Variants in STK3 observed in about 807,000 individuals in gnomAD.
STK3 encodes the protein serine/threonine kinase 3.
STK3 carries 41 observed loss-of-function variants against 58.0 expected under a neutral mutation model. The ratio of observed to expected loss-of-function variants is 0.71; its 90% CI spans 0.55 to 0.92. The LOEUF (loss-of-function observed/expected upper bound fraction) is 0.92. Among genes scored for constraint, STK3 ranks in the 40% least tolerant of loss-of-function variants. The probability of loss-of-function intolerance (pLI) is 0.00; values close to 1 mark genes in which losing one functional copy is unlikely to be tolerated. For missense variants in STK3, 479 were observed against 602.7 expected (o/e 0.79, Z 2.15); for synonymous variants, 170 against 191.0 (o/e 0.89, Z 0.91).
At chr8:98,921,057 C>T (rs1839539677) in intron 1 of STK3, among the ~76,000 whole-genome samples, 1 of 152,196 alleles carries the variant, frequency 6.6e-6, no homozygotes, top group African/African-American at 2.4e-5. Flanking sequence ...GGTTTCTAAG[C>T]TGCAGATCAG....
chr8:98,919,488 G>A (rs537633124), intron 1 of STK3, among the ~76,000 whole-genome samples: 1 of 152,138 alleles, frequency 6.6e-6, no homozygotes, highest in African/African-American at 2.4e-5. Flanking sequence ...GGTTGCCTAG[G>A]GGGGATTGAC....
intron 3 of STK3, among the ~76,000 whole-genome samples, chr8:98,846,428 A>G (rs972932571): frequency 1.3e-5 from 2 of 152,222 alleles, no homozygotes; most frequent in South Asian, 4.1e-4. Flanking sequence ...GATTTTATTC[A>G]TTTAACTAAC....
chr8:98,637,168 CAA>C (rs1819689637), intron 6 of STK3, among the ~76,000 whole-genome samples: 1 of 150,358 alleles, frequency 6.7e-6, no homozygotes, highest in Non-Finnish European at 1.5e-5. Flanking sequence ...ACTGATCTTA[CAA>C]AGAGACATGA....
chr8:98,753,864 A>C (rs961698870), intron 3 of STK3, among the ~76,000 whole-genome samples: 1 of 152,096 alleles, frequency 6.6e-6, no homozygotes, highest in Non-Finnish European at 1.5e-5. Flanking sequence ...CTTGCTCCCC[A>C]CTGGTCTCCT....
intron 1 of STK3, among the ~76,000 whole-genome samples, chr8:98,907,291 G>C (rs888448449): frequency 2.6e-5 from 4 of 152,020 alleles, no homozygotes; most frequent in African/African-American, 9.7e-5. Flanking sequence ...AGGCTGGCGG[G>C]TCACAAGTTC....
At chr8:98,621,438 T>C (rs962026159) in intron 6 of STK3, among the ~76,000 whole-genome samples, 72 of 152,304 alleles carry the variant, frequency 4.7e-4, no homozygotes, top group African/African-American at 1.7e-3. Flanking sequence ...CCCAGTACTG[T>C]GCTGAATGAG....
rs183139648 is a variant in STK3, at chr8:98,742,430, C to T, written c.351+6846G>A. Among the ~76,000 whole-genome samples the T allele has an allele frequency of 3.0e-3, 332 of 109,170 alleles. 61 individuals are homozygous for T. The highest frequency in any genetic ancestry group is 4.3e-3 in the African/African-American group (123 of 28,452). The allele number at this position is 109,170 out of a possible 152,430, so 71.6% of individuals were successfully genotyped here. A position where few individuals can be genotyped will look rare whatever the true frequency, so the allele number is the denominator to read the frequency against. ...TGGGATGCAAGGCTGGTTCAACATA[C>T]GCAAATCAATAAACGTAATCCATCA... On this transcript the variant is annotated intron_variant, in intron 4 of 10. Coordinates refer to ENST00000419617, the MANE Select transcript of STK3 (RefSeq NM_006281.4).
At chr8:98,702,103 G>A (rs1825670724) in intron 6 of STK3, among the ~76,000 whole-genome samples, 1 of 152,080 alleles carries the variant, frequency 6.6e-6, no homozygotes, top group Non-Finnish European at 1.5e-5. Context: ...GTTTCTTTGG[G>A]GGGAAGAAAA....
intron 3 of STK3, among the ~76,000 whole-genome samples, chr8:98,875,852 T>A (rs951164043): frequency 1.3e-5 from 2 of 152,208 alleles, no homozygotes; most frequent in African/African-American, 4.8e-5. Flanking sequence ...TTTCTCCTCC[T>A]CCTTTGGATA....
intron 1 of STK3, among the ~76,000 whole-genome samples, chr8:98,938,153 T>TA (rs60711152): frequency 0.32 from 47,418 of 148,214 alleles, 7,734 homozygotes; most frequent in East Asian, 0.44. Context: ...AATTAAAGCT[T>TA]AAAAAAAAAA....
At chr8:98,702,401 T>G (rs1825691853) in intron 6 of STK3, among the ~76,000 whole-genome samples, 2 of 152,222 alleles carry the variant, frequency 1.3e-5, no homozygotes, top group African/African-American at 4.8e-5. Flanking sequence ...ATCTTTAAGT[T>G]CTTCGTATCC....
chr8:98,933,488 A>C (rs888457101), intron 1 of STK3, among the ~76,000 whole-genome samples: 2 of 152,204 alleles, frequency 1.3e-5, no homozygotes, highest in African/African-American at 4.8e-5. Flanking sequence ...TCTTTTTAGC[A>C]GAGTGGGGAG....
chr8:98,434,975 G>A (rs1304894578), intron 2 of STK3, among the ~76,000 whole-genome samples: 1 of 152,190 alleles, frequency 6.6e-6, no homozygotes, highest in Admixed American at 6.5e-5. Flanking sequence ...TCCTAGCCCA[G>A]CAAGTCCTCC....
chr8:98,612,074 A>C (rs1817240823), intron 6 of STK3, among the ~76,000 whole-genome samples: 1 of 149,378 alleles, frequency 6.7e-6, no homozygotes, highest in African/African-American at 2.4e-5. Flanking sequence ...ATAGACATTT[A>C]TATAAATATA....
intron 6 of STK3, 182 bp from the exon 7 acceptor site, chr8:98,596,351 C>A: frequency 1.7e-6 from 1 of 579,094 alleles, no homozygotes; most frequent in Non-Finnish European, 2.9e-6. Flanking sequence ...GTAATCATTT[C>A]CCATTAAATT....
At chr8:98,678,257 TAG>T (rs1385173826) in intron 6 of STK3, among the ~76,000 whole-genome samples, 1 of 152,200 alleles carries the variant, frequency 6.6e-6, no homozygotes, top group Admixed American at 6.5e-5. Context: ...TTTCCTCCAA[TAG>T]AGAGTTCTTA....
At chr8:98,899,183 A>T (rs892070766) in intron 1 of STK3, among the ~76,000 whole-genome samples, 4 of 152,254 alleles carry the variant, frequency 2.6e-5, no homozygotes, top group African/African-American at 9.6e-5. Context: ...ATAGCACAGA[A>T]GATGCCACAG....
At chr8:98,797,744 C>T (rs1387050812) in intron 1 of STK3, among the ~76,000 whole-genome samples, 1 of 152,176 alleles carries the variant, frequency 6.6e-6, no homozygotes, top group Non-Finnish European at 1.5e-5. Flanking sequence ...AATTGACAAG[C>T]TGGCAATCTT....
chr8:98,856,273 T>C lies in STK3; in HGVS notation c.110+27374A>G, dbSNP rs192787238. 8.6e-3 allele frequency among the ~76,000 whole-genome samples: 1,265 copies of C among 147,504 alleles called. 12 individuals carry two copies. The highest frequency in any genetic ancestry group is 0.03 in the African/African-American group (1,189 of 39,798). ...TGGAGGTTGCTGTGAGCTGAGATCA[T>C]GTCATTGCACTCCAGCCTGGGTGAC... On this transcript the variant is annotated intron_variant, in intron 3 of 12. Transcript: ENST00000523601.
Sources: allele counts gnomAD v4.1 joint callset (sites outside exome capture counted in the v4.1 genomes callset), GRCh38; gene constraint gnomAD v4.1.1; transcripts MANE v1.5; gene names NCBI Gene and HGNC (gene_info 2026-07-23, HGNC 2026-07-21).